RAPGEF1: variants seen among roughly 807,000 people sequenced by gnomAD.
RAPGEF1 encodes the protein Rap guanine nucleotide exchange factor 1.
RAPGEF1 carries 33 observed loss-of-function variants against 143.3 expected under a neutral mutation model. The observed-to-expected ratio is 0.23, with a 90% CI of 0.17 to 0.31. The LOEUF (loss-of-function observed/expected upper bound fraction) is 0.31. Ranked by LOEUF, RAPGEF1 falls within the 10% of genes least tolerant of loss-of-function variation. RAPGEF1 has a pLI of 1.00. For synonymous variants in RAPGEF1, 629 were observed against 676.5 expected (o/e 0.93, Z 1.09); for missense variants, 1,199 against 1,645.4 (o/e 0.73, Z 4.69).
At position 131,579,657 on chromosome 9, in the gene RAPGEF1, G is replaced by C; in HGVS notation, c.3642-10C>G. The C allele has an allele frequency of 1.2e-6, 2 of 1,613,196 alleles. No homozygotes were observed. The highest frequency in any genetic ancestry group is 2.2e-5 in the South Asian group (2 of 91,040). ...CCGCATGTCATAGTGCCTGGTGCAG[G>C]GGATGGGGAGCAGTCAGTGAGCACC... On this transcript the variant is annotated splice_polypyrimidine_tract_variant and intron_variant, in intron 26 of 26. Coordinates refer to ENST00000683357, the MANE Select transcript of RAPGEF1 (RefSeq NM_001377935.1).
chr9:131,602,482 C>T (rs979399994), intron 14 of RAPGEF1, among the ~76,000 whole-genome samples: 1 of 152,216 alleles, frequency 6.6e-6, no homozygotes, highest in African/African-American at 2.4e-5. Flanking sequence ...GCTGTGCCCA[C>T]TTCTCCTCAT....
Position 131,650,964 on chromosome 9 carries a change from G to C in RAPGEF1, c.62-15C>G, listed in dbSNP as rs372131837. 637 of 1,611,532 alleles carry C rather than the reference G, an allele frequency of 4.0e-4. 6 individuals carry two copies. In the South Asian group the frequency reaches 5.1e-3, roughly 13 times the overall value. ...ACGCTGAGAGTCTGAAAACAAAGAG[G>C]GTACTGACTGTTAGATGGGAGTGGG... is the stretch of plus-strand genomic sequence containing the variant. On this transcript the variant is annotated splice_polypyrimidine_tract_variant and intron_variant, in intron 1 of 26. Coordinates refer to ENST00000683357, the MANE Select transcript of RAPGEF1 (RefSeq NM_001377935.1). The surrounding 1 kb of genome is among the most constrained non-coding windows in gnomAD (Gnocchi z 4.7).
intron 1 of RAPGEF1, among the ~76,000 whole-genome samples, chr9:131,722,087 A>C (rs541294631): frequency 6.6e-6 from 1 of 152,088 alleles, no homozygotes; most frequent in African/African-American, 2.4e-5. Context: ...TACATGTCTT[A>C]TATGTGTTGG....
chr9:131,653,794 G>T (rs1971718205), intron 1 of RAPGEF1, among the ~76,000 whole-genome samples: 1 of 152,148 alleles, frequency 6.6e-6, no homozygotes, highest in African/African-American at 2.4e-5. Flanking sequence ...AGAAATGAAA[G>T]CCTAAATCCA....
In RAPGEF1 at chr9:131,628,252, C is replaced by T. The variant is rs1305488617; in HGVS notation, c.1018-156G>A. On this transcript the variant is annotated intron_variant, in intron 8 of 26. Transcript: ENST00000683357. The surrounding 1 kb of genome is among the most constrained non-coding windows in gnomAD (Gnocchi z 5.7). ...GTCAGTAGTCGAAGGACACATACAG[C>T]TGAGAAGCAGCCATCTGGAGTTTGT... Among the ~76,000 whole-genome samples the T allele has an allele frequency of 1.3e-5, 2 of 152,234 alleles. No individual in the cohort carries two copies. Among genetic ancestry groups the T allele is most frequent in the Non-Finnish European group, 2.9e-5 (2 of 68,042 alleles).
intron 16 of RAPGEF1, 138 bp from the exon 17 acceptor site, chr9:131,596,511 A>G (rs1955315056): frequency 1.1e-6 from 1 of 870,878 alleles, no homozygotes; most frequent in Non-Finnish European, 1.8e-6. Context: ...TCCTCGGCCC[A>G]GGAGCAGTGT....
intron 15 of RAPGEF1, among the ~76,000 whole-genome samples, chr9:131,601,028 C>T (rs889037419): frequency 3.9e-5 from 6 of 151,926 alleles, no homozygotes; most frequent in Non-Finnish European, 8.8e-5. Context: ...AAAACTTAGC[C>T]GGGCATGGTG....
At chr9:131,645,844 A>G (rs1372383181) in intron 3 of RAPGEF1, among the ~76,000 whole-genome samples, 1 of 152,196 alleles carries the variant, frequency 6.6e-6, no homozygotes, top group Non-Finnish European at 1.5e-5. Flanking sequence ...GTGTCTGGGG[A>G]TGGCTTAGAG....
At chr9:131,629,801 A>AT (rs1351183914) in intron 6 of RAPGEF1, among the ~76,000 whole-genome samples, 1 of 152,054 alleles carries the variant, frequency 6.6e-6, no homozygotes, top group Non-Finnish European at 1.5e-5. Flanking sequence ...ACAAAAAAAA[A>AT]AGCTCCAAAT....
chr9:131,612,492 A>C (rs574585891), intron 12 of RAPGEF1, among the ~76,000 whole-genome samples: 18 of 152,338 alleles, frequency 1.2e-4, no homozygotes, highest in Non-Finnish European at 2.4e-4. Context: ...CCTGCTGTCA[A>C]GGCTGTGACC....
Position 131,626,169 on chromosome 9 carries a change from C to G in RAPGEF1, c.1455G>C (p.Thr485=). The change falls in exon 10 of 27, where the codon ACG becomes ACC. Residue 485 remains threonine (T), a synonymous_variant. Coordinates refer to ENST00000683357, the MANE Select transcript of RAPGEF1 (RefSeq NM_001377935.1). The part of the protein sequence containing the change: ...EKKRRSAASQ[T]ADGSGCRVSY... Reference sequence around the variant, plus strand: ...ACACCCTGCAGCCAGAGCCGTCCGCCGTCTGGGAGGCTGCGCTCCTGCGCT... The same window carrying G: ...ACACCCTGCAGCCAGAGCCGTCCGCGGTCTGGGAGGCTGCGCTCCTGCGCT... The G allele has an allele frequency of 6.2e-7, 1 of 1,613,864 alleles. No individual in the cohort carries two copies. The highest frequency in any genetic ancestry group is 2.2e-5 in the East Asian group (1 of 44,870).
chr9:131,591,466 G>A (rs1395607465), intron 18 of RAPGEF1, among the ~76,000 whole-genome samples: 3 of 152,226 alleles, frequency 2.0e-5, no homozygotes, highest in Non-Finnish European at 4.4e-5. Flanking sequence ...TGGACTTGAA[G>A]AGGCAATGGG....
In RAPGEF1 at chr9:131,667,710, A is replaced by G. The variant is rs1830659669; in HGVS notation, c.62-16761T>C. ...TGGCACTCATCTCTACACGTGGCCT[A>G]GGGCAGCCTATCCACGTATTCCCGT... On this transcript the variant is annotated intron_variant, in intron 1 of 26. Transcript: ENST00000683357. This position sits in a 1 kb window ranked among gnomAD's most constrained non-coding sequence, Gnocchi z 4.6. 6.6e-6 allele frequency among the ~76,000 whole-genome samples: 1 copy of G among 152,164 alleles called. No individual in the cohort carries two copies. The highest frequency in any genetic ancestry group is 2.4e-5 in the African/African-American group (1 of 41,438).
chr9:131,614,838 T>TC (rs1448000499), intron 12 of RAPGEF1, among the ~76,000 whole-genome samples: 1 of 152,112 alleles, frequency 6.6e-6, no homozygotes, highest in East Asian at 1.9e-4. Flanking sequence ...CCTGAAGTTT[T>TC]TTTTTTTTTT....
In RAPGEF1 at chr9:131,619,356, G is replaced by A. The variant is rs928029655; in HGVS notation, c.1906-150C>T. The stretch of plus-strand genomic sequence containing the variant: ...GGGATGGCTTCTGGGCCCAGTTCAG[G>A]GACTAAAACCAGCTGCCGAAGGCCA... On this transcript the variant is annotated intron_variant, in intron 11 of 26. Coordinates refer to ENST00000683357, the MANE Select transcript of RAPGEF1 (RefSeq NM_001377935.1). 9.4e-5 allele frequency: 59 copies of A among 628,628 alleles called. No individual in the cohort carries two copies. The South Asian group carries it at 1.1e-3, about 11-fold the overall frequency. The allele number at this position is 628,628 out of a possible 1,614,324, so 38.9% of individuals were successfully genotyped here.
At chr9:131,678,342 G>A (rs961528367) in intron 1 of RAPGEF1, among the ~76,000 whole-genome samples, 1 of 152,162 alleles carries the variant, frequency 6.6e-6, no homozygotes, top group South Asian at 2.1e-4. Context: ...CATTCTAGAA[G>A]GAATTTCAAG....
intron 17 of RAPGEF1, among the ~76,000 whole-genome samples, chr9:131,595,786 T>C (rs1386694510): frequency 6.6e-6 from 1 of 152,138 alleles, no homozygotes; most frequent in Non-Finnish European, 1.5e-5. Flanking sequence ...ACTGAATGCG[T>C]GGTAGGGTGG....
intron 15 of RAPGEF1, chr9:131,598,522 T>C (rs1955691560): frequency 1.4e-6 from 1 of 689,794 alleles, no homozygotes; most frequent in Non-Finnish European, 2.7e-6. Context: ...GGATGTTCCA[T>C]CTGTACACGG....
rs1952146473 is a variant in RAPGEF1 at position 131,583,170 on chromosome 9, G to A, written c.3415-468C>T. ...ATGTGACCTCGCCCTCCCCAGGGCT[G>A]GGTGGCTTCTCTCCTGCAGGGGTGG... is the stretch of plus-strand genomic sequence containing the variant. On this transcript the variant is annotated intron_variant, in intron 24 of 26. Transcript: ENST00000683357. This position sits in a 1 kb window ranked among gnomAD's most constrained non-coding sequence, Gnocchi z 4.7. 6.6e-6 allele frequency among the ~76,000 whole-genome samples: 1 copy of A among 152,148 alleles called. No homozygotes were observed. Among genetic ancestry groups the A allele is most frequent in the African/African-American group, 2.4e-5 (1 of 41,442 alleles).
Sources: allele counts gnomAD v4.1 joint callset (sites outside exome capture counted in the v4.1 genomes callset), GRCh38; gene constraint gnomAD v4.1.1; non-coding constraint Gnocchi (gnomAD v3.1); transcripts MANE v1.5; gene names NCBI Gene and HGNC (gene_info 2026-07-23, HGNC 2026-07-21).